The following TENM3 variants were observed in gnomAD, a reference collection of about 807,000 sequenced individuals.
TENM3 encodes teneurin-3.
A neutral mutation model predicts 255.1 loss-of-function variants in TENM3; 63 were observed. The ratio of observed to expected loss-of-function variants is 0.25; its 90% CI spans 0.20 to 0.30. The LOEUF is 0.30. Ranked by LOEUF, TENM3 falls within the 10% of genes least tolerant of loss-of-function variation. TENM3 has a pLI of 1.00. For missense variants in TENM3, 2,929 were observed against 3,461.1 expected (o/e 0.85, Z 3.86); for synonymous variants, 1,306 against 1,322.3 (o/e 0.99, Z 0.27).
chr4:182,553,802 A>G (rs576724425), intron 3 of TENM3, among the ~76,000 whole-genome samples: 1 of 152,338 alleles, frequency 6.6e-6, no homozygotes, highest in South Asian at 2.1e-4. Context: ...GTTAGAGTCC[A>G]TCTGCGTTGT....
At chr4:182,249,478 A>G (rs1438606373) in intron 1 of TENM3, among the ~76,000 whole-genome samples, 2 of 152,210 alleles carry the variant, frequency 1.3e-5, no homozygotes, top group African/African-American at 2.4e-5. Context: ...ATTATCTCAC[A>G]TATTCTGCTC....
chr4:181,848,173 A>C, the TENM3 span, among the ~76,000 whole-genome samples: 2 of 152,196 alleles, frequency 1.3e-5, no homozygotes, highest in Non-Finnish European at 2.9e-5. Context: ...AACTGAAGCG[A>C]ATTAAGAAAG....
At chr4:181,518,862 C>T in the TENM3 span, among the ~76,000 whole-genome samples, 1 of 152,172 alleles carries the variant, frequency 6.6e-6, no homozygotes, top group Non-Finnish European at 1.5e-5. Context: ...GAGAATCGTA[C>T]TGTCCCATCC....
chr4:182,399,445 C>T (rs778280217), intron 3 of TENM3, among the ~76,000 whole-genome samples: 1 of 152,216 alleles, frequency 6.6e-6, no homozygotes, highest in Non-Finnish European at 1.5e-5. Flanking sequence ...TATGCTGTGA[C>T]AGCCAGTAGT....
the TENM3 span, among the ~76,000 whole-genome samples, chr4:181,453,003 C>T: frequency 6.6e-6 from 1 of 152,212 alleles, no homozygotes; most frequent in African/African-American, 2.4e-5. Context: ...AGTGTGATTG[C>T]CCAGCACTAC....
At chr4:181,706,028 A>G in the TENM3 span, among the ~76,000 whole-genome samples, 3 of 152,178 alleles carry the variant, frequency 2.0e-5, no homozygotes, top group Non-Finnish European at 4.4e-5. Flanking sequence ...CTTAAACAAC[A>G]GACATTTATT....
chr4:182,729,388 A>G (rs1011787054), intron 14 of TENM3, among the ~76,000 whole-genome samples: 1 of 152,362 alleles, frequency 6.6e-6, no homozygotes, highest in Non-Finnish European at 1.5e-5. Context: ...TACCTGAGAC[A>G]TAACAGGACA....
intron 4 of TENM3, among the ~76,000 whole-genome samples, chr4:182,603,765 T>TA (rs1748126318): frequency 2.1e-5 from 2 of 95,580 alleles, no homozygotes; most frequent in South Asian, 5.0e-4. Context: ...TGGCAATTAT[T>TA]TATATATATA....
At chr4:181,877,001 G>A in the TENM3 span, 1 of 152,024 alleles carries the variant, frequency 6.6e-6, no homozygotes, top group Non-Finnish European at 1.5e-5. Flanking sequence ...TGTATTTTAT[G>A]TAAGATATAT....
chr4:182,755,317 T>C, intron 22 of TENM3, 58 bp downstream of exon 22: 4 of 1,279,898 alleles, frequency 3.1e-6, no homozygotes, highest in Non-Finnish European at 4.2e-6. Flanking sequence ...TAATATCATC[T>C]ATAATAACAA....
chr4:182,711,685 T>C, intron 12 of TENM3: 1 of 494,796 alleles, frequency 2.0e-6, no homozygotes, highest in Non-Finnish European at 2.6e-6. Flanking sequence ...AATAGACTTT[T>C]CCATGCATAT....
the TENM3 span, among the ~76,000 whole-genome samples, chr4:181,978,748 T>C: frequency 1.3e-5 from 2 of 149,546 alleles, no homozygotes; most frequent in Non-Finnish European, 1.5e-5. Context: ...ATAAAGCCTA[T>C]ATGGGAAGTT....
At chr4:182,554,804 A>G (rs1742417795) in intron 3 of TENM3, among the ~76,000 whole-genome samples, 1 of 152,038 alleles carries the variant, frequency 6.6e-6, no homozygotes, top group Non-Finnish European at 1.5e-5. Context: ...CTTGGAAGAG[A>G]GGGGTCAGTG....
chr4:182,201,068 AC>A (rs1198884352), intron 1 of TENM3, among the ~76,000 whole-genome samples: 4 of 151,822 alleles, frequency 2.6e-5, no homozygotes, highest in African/African-American at 9.7e-5. Flanking sequence ...CAGGTGATCC[AC>A]CTGCCTTGGC....
At chr4:182,088,221 A>G in the TENM3 span, among the ~76,000 whole-genome samples, 15 of 152,192 alleles carry the variant, frequency 9.9e-5, no homozygotes, top group Admixed American at 2.0e-4. Flanking sequence ...TTTACAAATG[A>G]TTTTCATTAT....
At chr4:182,022,414 G>A in the TENM3 span, among the ~76,000 whole-genome samples, 30 of 152,142 alleles carry the variant, frequency 2.0e-4, 1 homozygote, top group South Asian at 5.6e-3. Context: ...TGGGGAAAGA[G>A]CTGAAGACCT....
At chr4:181,641,546 G>GTATA in the TENM3 span, among the ~76,000 whole-genome samples, 1 of 39,284 alleles carries the variant, frequency 2.5e-5, no homozygotes, top group African/African-American at 1.1e-4. Flanking sequence ...GTATTCCATG[G>GTATA]TGTGTGTGTA....
At chr4:181,545,525 G>C in the TENM3 span, among the ~76,000 whole-genome samples, 1 of 152,152 alleles carries the variant, frequency 6.6e-6, no homozygotes, top group Non-Finnish European at 1.5e-5. Flanking sequence ...TTAAGTTAAG[G>C]ATAATAGTCG....
the TENM3 span, among the ~76,000 whole-genome samples, chr4:181,753,711 G>A: frequency 2.2e-3 from 338 of 152,286 alleles, 3 homozygotes; most frequent in African/African-American, 7.6e-3. Flanking sequence ...CATTAGTAAC[G>A]TATTACAGTT....
Sources: gnomAD v4.1 joint callset for allele counts (sites outside exome capture counted in the v4.1 genomes callset) on GRCh38, gnomAD v4.1.1 for gene constraint, MANE v1.5 for transcripts, NCBI Gene and HGNC (gene_info 2026-07-23, HGNC 2026-07-21) for gene names.